CHD8: variants seen among roughly 807,000 people sequenced by gnomAD.
CHD8 encodes chromodomain helicase DNA binding protein 8, also known as ATP-dependent chromatin remodeler CHD8.
CHD8 carries 31 observed loss-of-function variants against 279.2 expected under a neutral mutation model. The observed-to-expected ratio is 0.11, with a 90% CI of 0.08 to 0.15. CHD8 has a LOEUF of 0.15. Among genes scored for constraint, CHD8 ranks in the 10% least tolerant of loss-of-function variants. The probability of loss-of-function intolerance (pLI) is 1.00; values close to 1 mark genes in which losing one functional copy is unlikely to be tolerated. For missense variants in CHD8, 2,146 were observed against 3,230.5 expected, an observed-to-expected ratio of 0.66 and a Z score of 8.14; for synonymous variants, 1,081 against 1,139.6, an observed-to-expected ratio of 0.95 and a Z score of 1.04.
chr14:21,447,373 C>CTT (rs773145515), intron 1 of CHD8, among the ~76,000 whole-genome samples: 85 of 141,306 alleles, frequency 6.0e-4, no homozygotes, highest in Middle Eastern at 3.6e-3. Flanking sequence ...CACTATATCC[C>CTT]TTTTTTTTTT....
intron 1 of CHD8, among the ~76,000 whole-genome samples, chr14:21,451,810 T>C (rs559336608): frequency 1.3e-5 from 2 of 152,080 alleles, no homozygotes; most frequent in East Asian, 3.9e-4. Flanking sequence ...ATATAATTAA[T>C]AATAAAAGGG....
chr14:21,397,290 A>G (rs750745343), intron 27 of CHD8: 1 of 516,200 alleles, frequency 1.9e-6, no homozygotes, highest in Non-Finnish European at 3.9e-6. Context: ...ACTGTTTCAC[A>G]TGCCCCTCAG....
intron 1 of CHD8, among the ~76,000 whole-genome samples, chr14:21,452,511 G>A (rs1297567774): frequency 6.6e-6 from 1 of 151,906 alleles, no homozygotes. Flanking sequence ...CAGGCGTGGT[G>A]GCACACGCCT....
chr14:21,438,429 C>T (rs1889869019), intron 1 of CHD8, among the ~76,000 whole-genome samples: 1 of 145,144 alleles, frequency 6.9e-6, no homozygotes, highest in Admixed American at 7.1e-5. Context: ...AATCCCAGCA[C>T]TTAGAGAGGC....
intron 37 of CHD8, among the ~76,000 whole-genome samples, 183 bp downstream of exon 37, chr14:21,390,764 G>A (rs529179860): frequency 1.4e-3 from 66 of 47,336 alleles, no homozygotes; most frequent in Middle Eastern, 9.8e-3. Flanking sequence ...GTGAGACTCC[G>A]TCTCAAAAAA....
At chr14:21,434,156 C>T (rs1161083560) in intron 1 of CHD8, among the ~76,000 whole-genome samples, 1 of 151,760 alleles carries the variant, frequency 6.6e-6, no homozygotes, top group East Asian at 1.9e-4. Context: ...AGCGATTCTC[C>T]TGCCTCAGCC....
At chr14:21,429,579 T>G in intron 2 of CHD8, 1 of 617,370 alleles carries the variant, frequency 1.6e-6, no homozygotes. Context: ...CTACTGCTGA[T>G]CAGCAAGGGA....
chr14:21,405,297 G>C lies in CHD8; in HGVS notation c.3219C>G (p.Ser1073=). ...AILEKNFSFL[S]KGAGHTNMPN... Reference sequence around the variant, plus strand: ...GCATGTTGGTATGACCTGCCCCTTTGGAAAGGAAGGAGAAATTCTTCTCCA... The same window carrying C: ...GCATGTTGGTATGACCTGCCCCTTTCGAAAGGAAGGAGAAATTCTTCTCCA... Residue 1073 remains serine (S), a synonymous_variant, in exon 16 of 38, where the codon TCC becomes TCG. Coordinates refer to ENST00000646647, the MANE Select transcript of CHD8 (RefSeq NM_001170629.2). This position sits in a 1 kb window ranked among gnomAD's most constrained non-coding sequence, Gnocchi z 4.2. 1 of 1,612,026 alleles carries C rather than the reference G, an allele frequency of 6.2e-7. No homozygotes were observed. Among genetic ancestry groups the C allele is most frequent in the Non-Finnish European group, 8.5e-7 (1 of 1,178,966 alleles).
At chr14:21,398,546 T>A (rs1887891193) in intron 26 of CHD8, 2 of 152,314 alleles carry the variant, frequency 1.3e-5, no homozygotes, top group Admixed American at 6.5e-5. Context: ...CAATTTTATT[T>A]ATCCCATTAA....
chr14:21,398,954 CA>C, intron 26 of CHD8: 1 of 424,416 alleles, frequency 2.4e-6, no homozygotes, highest in Non-Finnish European at 4.7e-6. Flanking sequence ...CCCTCACAGG[CA>C]AAACCATCAC....
rs772679723 is a variant in CHD8, at chr14:21,392,635, T to C, written c.6643A>G (p.Thr2215Ala). 3 of 1,614,020 alleles carry C rather than the reference T, an allele frequency of 1.9e-6. No homozygotes were observed. Among genetic ancestry groups the C allele is most frequent in the Admixed American group, 1.7e-5 (1 of 60,026 alleles). Residue 2215 changes from threonine to alanine, a missense_variant, in exon 34 of 38, where the codon ACA (threonine) becomes GCA (alanine). Physicochemically the swap from Thr to Ala is moderately conservative, Grantham distance 58. Around this residue, in one of 26 missense-constraint regions of CHD8, gnomAD observed 513 missense variants for 637.6 expected, o/e 0.80. Transcript: ENST00000646647. Reference sequence around the variant, plus strand: ...GAAGCTGCACTACTACTTCGTGGTGTGGGGACTGGAGAGTCACCATATTCT... The same window carrying C: ...GAAGCTGCACTACTACTTCGTGGTGCGGGGACTGGAGAGTCACCATATTCT... ...PGEYGDSPVP[T>A]PRSSSAASMA... is the part of the protein sequence containing the mutation.
At position 21,415,685 on chromosome 14, in the gene CHD8, G is replaced by T. The variant is rs777680111; in HGVS notation, c.1899+40C>A. 14 of 1,611,624 alleles carry T rather than the reference G, an allele frequency of 8.7e-6. No individual in the cohort carries two copies. The African/African-American group carries it at 1.9e-4, about 22-fold the overall frequency. ...GTCAGTCAACAGATGATTGTGACCA[G>T]CAAGGCAATCCTCTGAAATCATTTG... On this transcript the variant is annotated intron_variant, in intron 6 of 37. Coordinates refer to ENST00000646647, the MANE Select transcript of CHD8 (RefSeq NM_001170629.2).
chr14:21,392,631 G>T lies in CHD8; in HGVS notation c.6647C>A (p.Pro2216Gln). ...GEYGDSPVPT[P>Q]RSSSAASMAE... is the part of the protein sequence containing the mutation. ...CATGGAAGCTGCACTACTACTTCGT[G>T]GTGTGGGGACTGGAGAGTCACCATA... is the stretch of plus-strand genomic sequence containing the variant. Residue 2216 changes from proline (P) to glutamine (Q), a missense_variant, in exon 34 of 38, where the codon CCA becomes CAA. Physicochemically the swap from Pro to Gln is moderately conservative, Grantham distance 76 (BLOSUM62 -1). This residue lies in a region of CHD8 where 513 missense variants were observed against 637.6 expected (regional missense o/e 0.80). Coordinates refer to ENST00000646647, the MANE Select transcript of CHD8 (RefSeq NM_001170629.2). The T allele has an allele frequency of 6.2e-7, 1 of 1,613,990 alleles. No individual in the cohort carries two copies. Among genetic ancestry groups the T allele is most frequent in the East Asian group, 2.2e-5 (1 of 44,884 alleles).
chr14:21,427,466 GA>G lies in CHD8; in HGVS notation c.1601+402del, dbSNP rs1889376110. The G allele has an allele frequency of 7.0e-6, 2 of 287,076 alleles. 1 individual carries two copies. The highest frequency in any genetic ancestry group is 5.9e-5 in the African/African-American group (2 of 33,866). The allele number at this position is 287,076 out of a possible 1,614,324, so 17.8% of individuals were successfully genotyped here. ...TCACAATAGCAAGGAGCACTCACTT[GA>G]GCTTACTCTTGCACGTCCCATCACA... On this transcript the variant is annotated intron_variant, in intron 4 of 37. Transcript: ENST00000646647.
At chr14:21,445,387 T>C (rs1487176510) in intron 1 of CHD8, among the ~76,000 whole-genome samples, 1 of 150,820 alleles carries the variant, frequency 6.6e-6, no homozygotes. Flanking sequence ...CTGGCCAAGA[T>C]GGTGAAACCC....
intron 1 of CHD8, among the ~76,000 whole-genome samples, chr14:21,434,663 T>A (rs926329143): frequency 1.4e-4 from 21 of 152,156 alleles, no homozygotes; most frequent in African/African-American, 5.1e-4. Flanking sequence ...GCCTAATAAT[T>A]CAAAAACCTT....
chr14:21,428,759 T>C (rs1407448625), intron 3 of CHD8, among the ~76,000 whole-genome samples: 1 of 152,202 alleles, frequency 6.6e-6, no homozygotes, highest in East Asian at 1.9e-4. Context: ...TAATCTCATA[T>C]CCCAAACCCA....
At position 21,431,152 on chromosome 14, in the gene CHD8, G is replaced by C; in HGVS notation, c.492C>G (p.Ala164=). 1 of 1,599,110 alleles carries C rather than the reference G, an allele frequency of 6.3e-7. No individual in the cohort carries two copies. Among genetic ancestry groups the C allele is most frequent in the Non-Finnish European group, 8.5e-7 (1 of 1,179,630 alleles). ...QSAPKIVILK[A]PPSSSVTGAH... is the part of the protein sequence containing the mutation. ...CACCAGTGACTGAGGAGCTTGGTGG[G>C]GCCTTAAGGATAACAATCTTAGGGG... is the stretch of plus-strand genomic sequence containing the variant. The change falls in exon 2 of 38, where the codon GCC becomes GCG. Residue 164 remains alanine, a synonymous_variant. Coordinates refer to ENST00000646647, the MANE Select transcript of CHD8 (RefSeq NM_001170629.2).
At chr14:21,386,279 T>C (rs1373612339) in intron 37 of CHD8, 103 bp from the exon 38 acceptor site, 1 of 1,164,364 alleles carries the variant, frequency 8.6e-7, no homozygotes, top group Non-Finnish European at 1.2e-6. Context: ...TTACTGAATG[T>C]ACCTTAGAAG....
Sources: allele counts gnomAD v4.1 joint callset (sites outside exome capture counted in the v4.1 genomes callset), GRCh38; gene constraint gnomAD v4.1.1; regional missense constraint gnomAD v4.1.1; non-coding constraint Gnocchi (gnomAD v3.1); transcripts MANE v1.5; gene names NCBI Gene and HGNC (gene_info 2026-07-23, HGNC 2026-07-21).